Variants in SNX13 observed in about 807,000 individuals in gnomAD.
The protein encoded by SNX13 is sorting nexin-13.
SNX13 carries 45 observed loss-of-function variants against 133.6 expected under a neutral mutation model. The observed-to-expected ratio is 0.34, with a 90% CI of 0.27 to 0.43. The LOEUF is 0.43. Among genes scored for constraint, SNX13 ranks in the 20% least tolerant of loss-of-function variants. The pLI, the probability that SNX13 is intolerant of heterozygous loss-of-function variation, is 1.00. For missense variants in SNX13, 1,032 were observed against 1,145.1 expected, an observed-to-expected ratio of 0.90 and a Z score of 1.43; for synonymous variants, 414 against 373.9, an observed-to-expected ratio of 1.11 and a Z score of -1.24.
At chr7:17,923,506 G>A (rs142847524) in intron 1 of SNX13, among the ~76,000 whole-genome samples, 477 of 152,270 alleles carry the variant, frequency 3.1e-3, no homozygotes, top group Non-Finnish European at 5.4e-3. Flanking sequence ...AGAATACCAT[G>A]ATTTGAGCTA....
At chr7:17,888,726 G>A in intron 5 of SNX13, 1 of 470,882 alleles carries the variant, frequency 2.1e-6, no homozygotes, top group South Asian at 1.5e-5. Flanking sequence ...CCAGCATCTG[G>A]TTGGTACAAA....
At chr7:17,823,898 C>T (rs1333277338) in intron 17 of SNX13, among the ~76,000 whole-genome samples, 1 of 151,498 alleles carries the variant, frequency 6.6e-6, no homozygotes, top group East Asian at 1.9e-4. Flanking sequence ...TAGCAAGGAA[C>T]AAAAAAGGAG....
rs190758360 is a variant in SNX13 at position 17,937,746 on chromosome 7, G to T, written c.12+2538C>A. Among the ~76,000 whole-genome samples the T allele has an allele frequency of 2.4e-4, 36 of 152,196 alleles. No homozygotes were observed. In the South Asian group the frequency reaches 3.9e-3, roughly 17 times the overall value. On this transcript the variant is annotated intron_variant, in intron 1 of 25. Transcript: ENST00000428135. ...ATGTGGAATAAGAGGACCTAAATAT[G>T]ATTTCTGTCTCCTCCATTCTTTATA...
rs55946438 is a variant in SNX13 at position 17,805,211 on chromosome 7, T to TTGTGTGTGTGTGTGTGTGTGTGTG, written c.2065-1655_2065-1632dup. ...AGTCTCACGTTTGGCTAATGATTCT[T>TTGTGTGTGTGTGTGTGTGTGTGTG]TGTGTGTGTGTGTGTGTGTGTGTGT... On this transcript the variant is annotated intron_variant, in intron 20 of 25. Coordinates refer to ENST00000428135, the MANE Select transcript of SNX13 (RefSeq NM_015132.5). Among the ~76,000 whole-genome samples the TTGTGTGTGTGTGTGTGTGTGTGTG allele has an allele frequency of 5.4e-4, 64 of 118,488 alleles. 1 individual carries two copies. Among genetic ancestry groups the TTGTGTGTGTGTGTGTGTGTGTGTG allele is most frequent in the African/African-American group, 1.2e-3 (35 of 29,764 alleles). 77.7% of individuals were successfully genotyped at this position (118,488 alleles called of 152,430 possible). A position where few individuals can be genotyped will look rare whatever the true frequency, so the allele number is the denominator to read the frequency against.
At chr7:17,886,344 CG>C (rs1795982256) in intron 5 of SNX13, among the ~76,000 whole-genome samples, 1 of 151,888 alleles carries the variant, frequency 6.6e-6, no homozygotes, top group African/African-American at 2.4e-5. Context: ...CTGAGGGGGG[CG>C]GATCACAAGG....
intron 5 of SNX13, among the ~76,000 whole-genome samples, chr7:17,877,736 CA>C (rs11331661): frequency 0.54 from 81,514 of 151,606 alleles, 24,059 homozygotes; most frequent in African/African-American, 0.78. Flanking sequence ...CAAATACATA[CA>C]AAATTATTTT....
Position 17,791,373 on chromosome 7 carries a change from AGTTTTT to A in SNX13, c.*2666_*2671del, listed in dbSNP as rs1004750997. On this transcript the variant is annotated 3_prime_UTR_variant, in exon 26 of 26. Transcript: ENST00000428135. ...ATGAACAAACTGAAATATTCAAGAA[AGTTTTT>A]GTTTTTTTTTTTTTTAAAAAAATTA... 13 of 151,552 alleles carry A rather than the reference AGTTTTT, an allele frequency of 8.6e-5. No individual in the cohort carries two copies. The highest frequency in any genetic ancestry group is 1.6e-4 in the Non-Finnish European group (11 of 67,772). 9.4% of individuals were successfully genotyped at this position (151,552 alleles called of 1,614,324 possible). A position where few individuals can be genotyped will look rare whatever the true frequency, so the allele number is the denominator to read the frequency against.
At chr7:17,882,201 A>C (rs1462618924) in intron 5 of SNX13, 1 of 152,116 alleles carries the variant, frequency 6.6e-6, no homozygotes, top group Non-Finnish European at 1.5e-5. Flanking sequence ...ATCCTCTCCA[A>C]CTGTGAGCTG....
intron 2 of SNX13, among the ~76,000 whole-genome samples, chr7:17,895,138 G>T (rs1433997110): frequency 6.6e-6 from 1 of 152,118 alleles, no homozygotes; most frequent in Non-Finnish European, 1.5e-5. Context: ...TCAAGAAACA[G>T]ACTGATAAGA....
intron 1 of SNX13, among the ~76,000 whole-genome samples, chr7:17,902,687 A>G (rs1562497652): frequency 1.3e-5 from 2 of 152,210 alleles, no homozygotes; most frequent in African/African-American, 2.4e-5. Flanking sequence ...GAATCCAAAG[A>G]ATACAGACAA....
chr7:17,830,271 T>C lies in SNX13; in HGVS notation c.1598-224A>G, dbSNP rs1012815514. ...AAGTGACAATATAGTATGTACCTGA[T>C]AGCTGGCCAAAAATCAAAAAGGCAT... is the stretch of plus-strand genomic sequence containing the variant. On this transcript the variant is annotated intron_variant, in intron 15 of 25. Coordinates refer to ENST00000428135, the MANE Select transcript of SNX13 (RefSeq NM_015132.5). The C allele has an allele frequency of 8.1e-6, 8 of 983,806 alleles. No individual in the cohort carries two copies. In the South Asian group the frequency reaches 2.8e-4, roughly 35 times the overall value. 60.9% of individuals were successfully genotyped at this position (983,806 alleles called of 1,614,324 possible).
chr7:17,803,334 A>C (rs79915970), intron 21 of SNX13, 85 bp downstream of exon 21: 21,681 of 1,264,402 alleles, frequency 0.017, 189 homozygotes, highest in Non-Finnish European at 0.02. Flanking sequence ...AGGTTAAGGG[A>C]CTAAGGTAAA....
chr7:17,851,855 C>T (rs1791251173), intron 9 of SNX13, among the ~76,000 whole-genome samples: 1 of 151,956 alleles, frequency 6.6e-6, no homozygotes, highest in African/African-American at 2.4e-5. Context: ...GAAAGGAAGA[C>T]TACACAGAAA....
intron 1 of SNX13, among the ~76,000 whole-genome samples, chr7:17,936,037 G>A (rs147727056): frequency 3.3e-4 from 50 of 152,274 alleles, no homozygotes; most frequent in African/African-American, 1.1e-3. Flanking sequence ...GATGTTCAGG[G>A]AGCCTTTCTT....
intron 1 of SNX13, among the ~76,000 whole-genome samples, chr7:17,929,935 C>A (rs1801203150): frequency 6.6e-6 from 1 of 152,160 alleles, no homozygotes; most frequent in Non-Finnish European, 1.5e-5. Context: ...AGAATTAGAT[C>A]ATCTGGGTCA....
At chr7:17,825,980 T>C in intron 17 of SNX13, 42 bp downstream of exon 17, 1 of 1,305,710 alleles carries the variant, frequency 7.7e-7, no homozygotes, top group South Asian at 1.6e-5. Flanking sequence ...GATATAATAA[T>C]ACATAGTTTT....
chr7:17,911,939 T>A (rs1440640198), intron 1 of SNX13, among the ~76,000 whole-genome samples: 1 of 152,154 alleles, frequency 6.6e-6, no homozygotes, highest in Non-Finnish European at 1.5e-5. Context: ...CTCAAGAGTA[T>A]CACATAGTCT....
intron 5 of SNX13, chr7:17,881,205 A>G (rs768104039): frequency 7.3e-5 from 11 of 150,694 alleles, no homozygotes; most frequent in Non-Finnish European, 1.5e-4. Context: ...TATACTGCAT[A>G]ATGTGTAGGT....
intron 5 of SNX13, chr7:17,879,438 A>C (rs1795094796): frequency 6.6e-6 from 1 of 152,252 alleles, no homozygotes; most frequent in African/African-American, 2.4e-5. Flanking sequence ...TATTAGAGGC[A>C]CTCAATGCAT....
Sources: allele counts gnomAD v4.1 joint callset (sites outside exome capture counted in the v4.1 genomes callset), GRCh38; gene constraint gnomAD v4.1.1; transcripts MANE v1.5; gene names NCBI Gene and HGNC (gene_info 2026-07-23, HGNC 2026-07-21).